The following CEBPZOS variants were observed in gnomAD, a reference collection of about 807,000 sequenced individuals.
CEBPZOS encodes the protein protein CEBPZOS.
CEBPZOS carries 10 observed loss-of-function variants against 4.8 expected under a neutral mutation model. That is an observed-to-expected ratio of 2.07 (90% CI 1.28 to 3.52). The LOEUF (loss-of-function observed/expected upper bound fraction) is 3.52. Ranked by LOEUF, CEBPZOS falls within the 30% of genes most tolerant of loss-of-function variation. The probability of loss-of-function intolerance (pLI) is 0.00; values close to 1 mark genes in which losing one functional copy is unlikely to be tolerated. For synonymous variants in CEBPZOS, 25 were observed against 14.2 expected (o/e 1.77, Z -1.72); for missense variants, 98 against 43.6 (o/e 2.25, Z -3.51).
chr2:37,201,503 G>A (rs1167464125), intron 3 of CEBPZOS, 139 bp from the exon 4 acceptor site: 3 of 594,690 alleles, frequency 5.0e-6, no homozygotes, highest in Non-Finnish European at 9.0e-6. Context: ...GGACTTATAT[G>A]TGAAGTCTGT....
chr2:37,214,593 C>G (rs1677824217), downstream of CEBPZOS, among the ~76,000 whole-genome samples: 1 of 152,020 alleles, frequency 6.6e-6, no homozygotes, highest in African/African-American at 2.4e-5. Context: ...TAACAAAACT[C>G]CCAAATTTAC....
Position 37,199,693 on chromosome 2 carries a change from G to C in CEBPZOS, c.-1-11G>C, listed in dbSNP as rs1442534467. On this transcript the variant is annotated splice_polypyrimidine_tract_variant and intron_variant, in intron 1 of 4. Transcript: ENST00000402297. ...TCATTCAGGTTTACACATATCTGTT[G>C]TTAAATTTAGGATGGCCCGTACTTT... 1 of 715,748 alleles carries C rather than the reference G, an allele frequency of 1.4e-6. No homozygotes were observed. The highest frequency in any genetic ancestry group is 2.0e-5 in the Admixed American group (1 of 49,602). 44.3% of individuals were successfully genotyped at this position (715,748 alleles called of 1,614,324 possible). A position where few individuals can be genotyped will look rare whatever the true frequency, so the allele number is the denominator to read the frequency against.
downstream of CEBPZOS, among the ~76,000 whole-genome samples, chr2:37,208,610 C>A (rs1429645156): frequency 6.6e-6 from 1 of 152,072 alleles, no homozygotes; most frequent in Admixed American, 6.5e-5. Context: ...GATTTAAACC[C>A]TCAGCAAAAC....
chr2:37,214,029 C>T (rs368769775), downstream of CEBPZOS: 18 of 785,708 alleles, frequency 2.3e-5, no homozygotes, highest in African/African-American at 3.3e-4. Context: ...ATCATCAAAG[C>T]ACCTATGACC....
In CEBPZOS at chr2:37,201,932, A is replaced by G; in HGVS notation, c.*72A>G. On this transcript the variant is annotated 3_prime_UTR_variant, in exon 5 of 5. Coordinates refer to ENST00000402297, the MANE Select transcript of CEBPZOS (RefSeq NM_001322374.2). Reference sequence around the variant, plus strand: ...TGAGAGAAGAAGAAAAGATGAGTGTACTACCACACTGTAGACTCTTGGTGG... The same window carrying G: ...TGAGAGAAGAAGAAAAGATGAGTGTGCTACCACACTGTAGACTCTTGGTGG... 6.2e-7 allele frequency: 1 copy of G among 1,603,324 alleles called. No individual in the cohort carries two copies. The highest frequency in any genetic ancestry group is 8.5e-7 in the Non-Finnish European group (1 of 1,175,310).
In CEBPZOS at chr2:37,199,629, TGA is replaced by T. The variant is rs1249637215; in HGVS notation, c.-1-73_-1-72del. The stretch of plus-strand genomic sequence containing the variant: ...GCCATTCAAACTGTGGGAATGAATT[TGA>T]GTTATTAGAGAAATGATAATAGTAG... On this transcript the variant is annotated intron_variant, in intron 1 of 4. Coordinates refer to ENST00000402297, the MANE Select transcript of CEBPZOS (RefSeq NM_001322374.2). 3.9e-5 allele frequency: 26 copies of T among 672,522 alleles called. No individual in the cohort carries two copies. In the African/African-American group the frequency reaches 4.3e-4, roughly 11 times the overall value. 41.7% of individuals were successfully genotyped at this position (672,522 alleles called of 1,614,324 possible).
At chr2:37,208,153 A>G (rs1295077425), downstream of CEBPZOS, among the ~76,000 whole-genome samples, 2 of 152,194 alleles carry the variant, frequency 1.3e-5, no homozygotes, top group Admixed American at 1.3e-4. Flanking sequence ...CTGAAACAGT[A>G]ATAAAAAAAC....
At chr2:37,197,993 C>T (rs1318955389) in intron 1 of CEBPZOS, among the ~76,000 whole-genome samples, 1 of 152,028 alleles carries the variant, frequency 6.6e-6, no homozygotes, top group Non-Finnish European at 1.5e-5. Context: ...AAATCCGTCT[C>T]TACTAAAATA....
At chr2:37,201,782 A>G (rs781366532) in intron 4 of CEBPZOS, 56 bp downstream of exon 4, 3 of 1,438,724 alleles carry the variant, frequency 2.1e-6, no homozygotes, top group South Asian at 1.1e-5. Flanking sequence ...TTTGTTTTTT[A>G]GTTTTTTGAG....
rs1677289223 is a variant in CEBPZOS at position 37,202,281 on chromosome 2, A to C, written c.*421A>C. On this transcript the variant is annotated 3_prime_UTR_variant, in exon 5 of 5. Transcript: ENST00000402297. Reference sequence around the variant, plus strand: ...TTTAGTCTAAATACTTGTTAATCTTACATGTTCTCCTGAGAGAAGAAAAAG... The same window carrying C: ...TTTAGTCTAAATACTTGTTAATCTTCCATGTTCTCCTGAGAGAAGAAAAAG... 1 of 162,190 alleles carries C rather than the reference A, an allele frequency of 6.2e-6. No individual in the cohort carries two copies. Among genetic ancestry groups the C allele is most frequent in the Non-Finnish European group, 1.3e-5 (1 of 76,082 alleles). The allele number at this position is 162,190 out of a possible 1,614,324, so 10.0% of individuals were successfully genotyped here. A position where few individuals can be genotyped will look rare whatever the true frequency, so the allele number is the denominator to read the frequency against.
intron 2 of CEBPZOS, among the ~76,000 whole-genome samples, chr2:37,200,195 C>A (rs921395518): frequency 1.3e-5 from 2 of 152,142 alleles, no homozygotes; most frequent in Non-Finnish European, 2.9e-5. Context: ...TTCTGAGTAA[C>A]CAGTTTTCTC....
intron 4 of CEBPZOS, chr2:37,212,359 C>A (rs1214922480): frequency 1.2e-6 from 2 of 1,613,482 alleles, no homozygotes; most frequent in Non-Finnish European, 8.5e-7. Context: ...ATCATCCTTT[C>A]CAGAGCTGAA....
chr2:37,201,165 C>A, intron 3 of CEBPZOS, 73 bp downstream of exon 3: 2 of 674,754 alleles, frequency 3.0e-6, no homozygotes, highest in South Asian at 1.7e-5. Context: ...GTAGTAATTT[C>A]TTTACAAGGA....
At position 37,210,988 on chromosome 2, in the gene CEBPZOS, T is replaced by C. The variant is rs777561605; in HGVS notation, c.*3-2449T>C. ...CACTGCTTTTAAAAGATATTAAATG[T>C]ATTTTCTTACCTTGAAATGAGCCAG... On this transcript the variant is annotated intron_variant, in intron 4 of 4. Coordinates refer to the CEBPZOS transcript ENST00000397064. The C allele has an allele frequency of 5.1e-5, 81 of 1,590,578 alleles. No homozygotes were observed. The East Asian group carries it at 1.7e-3, about 33-fold the overall frequency.
At chr2:37,205,411 C>T (rs1350762450), downstream of CEBPZOS, among the ~76,000 whole-genome samples, 4 of 152,190 alleles carry the variant, frequency 2.6e-5, no homozygotes, top group Non-Finnish European at 5.9e-5. Context: ...GGCTCAAAAG[C>T]TCCCCTACTG....
rs560039605 is a variant in CEBPZOS, at chr2:37,210,814, G to A, written c.*3-2623G>A. The A allele has an allele frequency of 1.7e-5, 8 of 481,226 alleles. No individual in the cohort carries two copies. The South Asian group carries it at 2.5e-4, about 15-fold the overall frequency. 29.8% of individuals were successfully genotyped at this position (481,226 alleles called of 1,614,324 possible). Reference sequence around the variant, plus strand: ...AAAGTGAATGAAAAGATGATCCAGAGATATCTGAATGCGAGAAACAATTCA... The same window carrying A: ...AAAGTGAATGAAAAGATGATCCAGAAATATCTGAATGCGAGAAACAATTCA... On this transcript the variant is annotated intron_variant, in intron 4 of 4. Transcript: ENST00000397064.
Position 37,204,229 on chromosome 2 carries a change from C to G in CEBPZOS, c.*2369C>G, listed in dbSNP as rs964527846. The G allele has an allele frequency of 6.6e-6, 1 of 151,904 alleles. No individual in the cohort carries two copies. Among genetic ancestry groups the G allele is most frequent in the Admixed American group, 6.6e-5 (1 of 15,224 alleles). 9.4% of individuals were successfully genotyped at this position (151,904 alleles called of 1,614,324 possible). A position where few individuals can be genotyped will look rare whatever the true frequency, so the allele number is the denominator to read the frequency against. On this transcript the variant is annotated 3_prime_UTR_variant, in exon 5 of 5. Transcript: ENST00000402297. ...AAAGTTTCTTTTATCCCGCCCCCAC[C>G]CCCAACCTCAGCCTCAAGTATGTAA...
chr2:37,203,272 T>C lies in CEBPZOS; in HGVS notation c.*1412T>C. The C allele has an allele frequency of 3.9e-6, 1 of 257,826 alleles. No individual in the cohort carries two copies. Among genetic ancestry groups the C allele is most frequent in the Non-Finnish European group, 7.3e-6 (1 of 137,700 alleles). 16.0% of individuals were successfully genotyped at this position (257,826 alleles called of 1,614,324 possible). A position where few individuals can be genotyped will look rare whatever the true frequency, so the allele number is the denominator to read the frequency against. ...CAGATTTGGCCACTGATCGAAGTTT[T>C]ACCCATAAGGGAAATAACATAGTAT... On this transcript the variant is annotated 3_prime_UTR_variant, in exon 5 of 5. Transcript: ENST00000402297.
rs1677271519 is a variant in CEBPZOS at position 37,202,042 on chromosome 2, T to A, written c.*182T>A. 9.1e-6 allele frequency: 5 copies of A among 551,352 alleles called. 1 individual carries two copies. In the South Asian group the frequency reaches 1.8e-4, roughly 19 times the overall value. The allele number at this position is 551,352 out of a possible 1,614,324, so 34.2% of individuals were successfully genotyped here. A position where few individuals can be genotyped will look rare whatever the true frequency, so the allele number is the denominator to read the frequency against. ...CCACCCACTATACAAACCCACTGCT[T>A]GTTTGTTGCTTTTCTTCTCATATTT... On this transcript the variant is annotated 3_prime_UTR_variant, in exon 5 of 5. Transcript: ENST00000402297.
Sources: allele counts gnomAD v4.1 joint callset (sites outside exome capture counted in the v4.1 genomes callset), GRCh38; gene constraint gnomAD v4.1.1; transcripts MANE v1.5; gene names NCBI Gene and HGNC (gene_info 2026-07-23, HGNC 2026-07-21).